Variants in AGMO observed in about 807,000 individuals in gnomAD.
AGMO encodes alkylglycerol monooxygenase.
A neutral mutation model predicts 60.2 loss-of-function variants in AGMO; 75 were observed. The observed-to-expected ratio is 1.25, with a 90% CI of 1.03 to 1.51. The LOEUF is 1.51. Ranked by LOEUF, AGMO falls within the 40% of genes most tolerant of loss-of-function variation. AGMO has a pLI of 0.00. For missense variants in AGMO, 763 were observed against 525.5 expected (o/e 1.45, Z -4.42); for synonymous variants, 261 against 177.1 (o/e 1.47, Z -3.76).
At chr7:15,170,102 G>A in the AGMO span, among the ~76,000 whole-genome samples, 1 of 152,196 alleles carries the variant, frequency 6.6e-6, no homozygotes, top group African/African-American at 2.4e-5. Context: ...AAACAAGAAA[G>A]CAGGTTGTCA....
At chr7:15,437,426 G>A (rs1365365435) in intron 3 of AGMO, among the ~76,000 whole-genome samples, 12 of 152,010 alleles carry the variant, frequency 7.9e-5, no homozygotes, top group Non-Finnish European at 1.8e-4. Context: ...TTTGTAAGTT[G>A]GCTGGGCCTC....
At chr7:15,547,457 C>T (rs1394931430) in intron 2 of AGMO, among the ~76,000 whole-genome samples, 3 of 151,908 alleles carry the variant, frequency 2.0e-5, no homozygotes, top group Non-Finnish European at 4.4e-5. Context: ...TCAGTGGGTG[C>T]GCGCACCGTG....
At chr7:15,494,634 A>C (rs1583612521) in intron 3 of AGMO, among the ~76,000 whole-genome samples, 1 of 152,208 alleles carries the variant, frequency 6.6e-6, no homozygotes, top group Non-Finnish European at 1.5e-5. Flanking sequence ...AGAGAAAAAA[A>C]AGTTGCCTTT....
At chr7:15,208,359 T>C (rs1781492836) in intron 12 of AGMO, among the ~76,000 whole-genome samples, 1 of 152,228 alleles carries the variant, frequency 6.6e-6, no homozygotes, top group Non-Finnish European at 1.5e-5. Flanking sequence ...AGGTGTACTT[T>C]AGAGAAATAA....
At chr7:15,356,217 A>C (rs1583450184) in intron 12 of AGMO, among the ~76,000 whole-genome samples, 1 of 152,254 alleles carries the variant, frequency 6.6e-6, no homozygotes, top group East Asian at 1.9e-4. Context: ...AACTAGAGAA[A>C]CTCTACATAC....
intron 10 of AGMO, among the ~76,000 whole-genome samples, chr7:15,378,122 C>T (rs1355565072): frequency 6.6e-6 from 1 of 152,004 alleles, no homozygotes; most frequent in African/African-American, 2.4e-5. Flanking sequence ...ATTTGCTTCA[C>T]AAAATGGAAA....
chr7:15,559,893 G>A (rs1462051109), intron 2 of AGMO, among the ~76,000 whole-genome samples: 1 of 151,884 alleles, frequency 6.6e-6, no homozygotes, highest in Admixed American at 6.6e-5. Flanking sequence ...CCTCAATAAG[G>A]CAAATGAAGC....
At chr7:15,216,481 G>T (rs1781741112) in intron 12 of AGMO, among the ~76,000 whole-genome samples, 2 of 152,024 alleles carry the variant, frequency 1.3e-5, no homozygotes, top group Non-Finnish European at 2.9e-5. Flanking sequence ...CACTGTAACA[G>T]TTAATTTATT....
chr7:15,414,707 G>C (rs1242387270), intron 5 of AGMO, among the ~76,000 whole-genome samples: 1 of 152,062 alleles, frequency 6.6e-6, no homozygotes, highest in Non-Finnish European at 1.5e-5. Flanking sequence ...AAAAATCCTA[G>C]AGAAAATTAA....
At chr7:15,264,873 A>T (rs112128553) in intron 12 of AGMO, among the ~76,000 whole-genome samples, 4 of 152,198 alleles carry the variant, frequency 2.6e-5, no homozygotes, top group African/African-American at 7.2e-5. Flanking sequence ...AGCAGTTTGG[A>T]CATTTCTCGA....
At chr7:15,555,004 G>A (rs1040567427) in intron 2 of AGMO, among the ~76,000 whole-genome samples, 44 of 151,642 alleles carry the variant, frequency 2.9e-4, no homozygotes, top group Admixed American at 2.3e-3. Context: ...TAATACTGTC[G>A]TTGAAAACTC....
intron 5 of AGMO, among the ~76,000 whole-genome samples, chr7:15,402,577 A>G (rs906433138): frequency 6.7e-6 from 1 of 148,242 alleles, no homozygotes; most frequent in Non-Finnish European, 1.5e-5. Context: ...ATAGTCATAT[A>G]TTTAACCTTA....
At chr7:15,178,358 T>C in the AGMO span, among the ~76,000 whole-genome samples, 2 of 152,188 alleles carry the variant, frequency 1.3e-5, no homozygotes, top group African/African-American at 4.8e-5. Context: ...AAGGCATTAT[T>C]GCACTGCTTT....
At chr7:15,131,235 G>A in the AGMO span, among the ~76,000 whole-genome samples, 2 of 152,190 alleles carry the variant, frequency 1.3e-5, no homozygotes, top group Non-Finnish European at 2.9e-5. Flanking sequence ...GAATAAAGCA[G>A]TATTTTAGGA....
At chr7:15,279,529 G>C (rs1326364308) in intron 12 of AGMO, among the ~76,000 whole-genome samples, 3 of 151,106 alleles carry the variant, frequency 2.0e-5, no homozygotes, top group African/African-American at 4.9e-5. Context: ...GTTTTGTTTT[G>C]TTCTCAAGGT....
chr7:15,351,644 C>T (rs1434706202), intron 12 of AGMO, among the ~76,000 whole-genome samples: 1 of 152,136 alleles, frequency 6.6e-6, no homozygotes, highest in Non-Finnish European at 1.5e-5. Flanking sequence ...TGTTACCATG[C>T]TTTTCAATTT....
chr7:15,307,999 C>T (rs763764292), intron 12 of AGMO, among the ~76,000 whole-genome samples: 13 of 152,028 alleles, frequency 8.6e-5, no homozygotes, highest in Non-Finnish European at 1.3e-4. Context: ...TCCCCACTTT[C>T]TAAATACCTG....
intron 12 of AGMO, among the ~76,000 whole-genome samples, chr7:15,211,119 C>T (rs1781576174): frequency 6.6e-6 from 1 of 152,060 alleles, no homozygotes; most frequent in South Asian, 2.1e-4. Context: ...TCAACACAAA[C>T]TATTTTGCCT....
At chr7:15,117,247 G>A in the AGMO span, among the ~76,000 whole-genome samples, 1 of 151,984 alleles carries the variant, frequency 6.6e-6, no homozygotes, top group Admixed American at 6.6e-5. Flanking sequence ...ACAGAAATCA[G>A]ATTAGCGGTT....
Sources: allele counts gnomAD v4.1 joint callset (sites outside exome capture counted in the v4.1 genomes callset), GRCh38; gene constraint gnomAD v4.1.1; transcripts MANE v1.5; gene names NCBI Gene and HGNC (gene_info 2026-07-23, HGNC 2026-07-21).